The following DNM1L variants were observed in gnomAD, a reference collection of about 807,000 sequenced individuals.
The protein encoded by DNM1L is dynamin-1-like protein.
A neutral mutation model predicts 92.8 loss-of-function variants in DNM1L; 33 were observed. The ratio of observed to expected loss-of-function variants is 0.36; its 90% CI spans 0.27 to 0.48. DNM1L has a LOEUF of 0.48. DNM1L is among the 20% of genes least tolerant of loss of function. The pLI, the probability that DNM1L is intolerant of heterozygous loss-of-function variation, is 0.99. For missense variants in DNM1L, 485 were observed against 888.8 expected, an observed-to-expected ratio of 0.55 and a Z score of 5.78; for synonymous variants, 284 against 305.0, an observed-to-expected ratio of 0.93 and a Z score of 0.72.
intron 5 of DNM1L, chr12:32,711,278 T>C (rs1410540654): frequency 2.4e-6 from 1 of 412,144 alleles, no homozygotes; most frequent in Non-Finnish European, 4.4e-6. Context: ...AAACAGTAAG[T>C]GCCCCAGAGC....
At position 32,743,840 on chromosome 12, in the gene DNM1L, T is replaced by A. The variant is rs1592700761; in HGVS notation, c.*430T>A. The A allele has an allele frequency of 1.2e-5, 2 of 165,544 alleles. No individual in the cohort carries two copies. Among genetic ancestry groups the A allele is most frequent in the East Asian group, 3.2e-4 (2 of 6,282 alleles). 10.3% of individuals were successfully genotyped at this position (165,544 alleles called of 1,614,324 possible). On this transcript the variant is annotated 3_prime_UTR_variant, in exon 20 of 20. Coordinates refer to ENST00000549701, the MANE Select transcript of DNM1L (RefSeq NM_012062.5). ...ACTATAATGCATGTACTATATAAGC[T>A]GATCTGGCTTTGAAAGATGTGAGTT...
intron 1 of DNM1L, among the ~76,000 whole-genome samples, chr12:32,680,708 T>G (rs1391321795): frequency 6.6e-6 from 1 of 152,216 alleles, no homozygotes; most frequent in East Asian, 1.9e-4. Context: ...GGATTATTTT[T>G]TATTGAACAT....
Position 32,743,631 on chromosome 12 carries a change from A to G in DNM1L, c.*221A>G. The G allele has an allele frequency of 1.8e-6, 1 of 554,186 alleles. No individual in the cohort carries two copies. The highest frequency in any genetic ancestry group is 3.2e-6 in the Non-Finnish European group (1 of 310,974). The allele number at this position is 554,186 out of a possible 1,614,324, so 34.3% of individuals were successfully genotyped here. On this transcript the variant is annotated 3_prime_UTR_variant, in exon 20 of 20. Coordinates refer to ENST00000549701, the MANE Select transcript of DNM1L (RefSeq NM_012062.5). ...TTCTAAAGTTTCCCAGTATATATAA[A>G]ATACATCAAGTCTGTCTTGTGACAG...
At chr12:32,717,465 TATATAGTATATATATTA>T (rs1349755490) in intron 6 of DNM1L, among the ~76,000 whole-genome samples, 2 of 104,580 alleles carry the variant, frequency 1.9e-5, no homozygotes, top group Non-Finnish European at 3.5e-5. Context: ...ATATTTTAAA[TATATAGTATATATATTA>T]TATATATATA....
chr12:32,724,585 AAAAAAAAAAT>A (rs1311011671), intron 9 of DNM1L, among the ~76,000 whole-genome samples: 14 of 68,826 alleles, frequency 2.0e-4, no homozygotes, highest in African/African-American at 5.9e-4. Flanking sequence ...CCAAAAAAAA[AAAAAAAAAAT>A]ATATATATAT....
intron 8 of DNM1L, among the ~76,000 whole-genome samples, chr12:32,721,594 G>C (rs1444740873): frequency 6.6e-6 from 1 of 152,048 alleles, no homozygotes; most frequent in Non-Finnish European, 1.5e-5. Context: ...GCTTTTGAGA[G>C]CAGATATATG....
rs972264615 is a variant in DNM1L, at chr12:32,686,045, C to CTTTTTTT, written c.102+6596_102+6602dup. On this transcript the variant is annotated intron_variant, in intron 1 of 19. Coordinates refer to ENST00000549701, the MANE Select transcript of DNM1L (RefSeq NM_012062.5). ...GAAATTTGCAGAACATAAAATTAGCCTTTTTTTTTTTTTTTTTTTTTTGAG... is the reference window on the plus strand; with the variant it reads ...GAAATTTGCAGAACATAAAATTAGCCTTTTTTTTTTTTTTTTTTTTTTTTTTTTTGAG... Among the ~76,000 whole-genome samples, 104 of 82,686 alleles carry CTTTTTTT rather than the reference C, an allele frequency of 1.3e-3. 6 individuals carry two copies. Among genetic ancestry groups the CTTTTTTT allele is most frequent in the African/African-American group, 5.0e-3 (84 of 16,634 alleles). 54.2% of individuals were successfully genotyped at this position (82,686 alleles called of 152,430 possible). A position where few individuals can be genotyped will look rare whatever the true frequency, so the allele number is the denominator to read the frequency against.
chr12:32,726,766 T>C, intron 9 of DNM1L: 1 of 617,630 alleles, frequency 1.6e-6, no homozygotes, highest in Non-Finnish European at 2.9e-6. Flanking sequence ...TTTCCTTTTT[T>C]CCAATCTATC....
At chr12:32,691,573 A>T (rs867273662) in intron 1 of DNM1L, among the ~76,000 whole-genome samples, 3 of 152,146 alleles carry the variant, frequency 2.0e-5, no homozygotes, top group Non-Finnish European at 2.9e-5. Flanking sequence ...GCCTCTTTAA[A>T]GGCCCTGTCT....
chr12:32,712,699 A>G (rs1773008777), intron 5 of DNM1L, among the ~76,000 whole-genome samples: 1 of 149,584 alleles, frequency 6.7e-6, no homozygotes, highest in Admixed American at 6.7e-5. Flanking sequence ...ATCTCTAATC[A>G]TTCCCTAGCC....
Position 32,679,338 on chromosome 12 carries a change from C to T in DNM1L, c.-26C>T, listed in dbSNP as rs748892584. 2.6e-6 allele frequency: 4 copies of T among 1,557,536 alleles called. No homozygotes were observed. The South Asian group carries it at 4.5e-5, about 17-fold the overall frequency. On this transcript the variant is annotated 5_prime_UTR_variant, in exon 1 of 20. Coordinates refer to ENST00000549701, the MANE Select transcript of DNM1L (RefSeq NM_012062.5). ...CCCATTCATTGCCGTGGCCGGCGGGCACTGGGGCCCCGTGTTTTCAGAGTC... is the reference window on the plus strand; with the variant it reads ...CCCATTCATTGCCGTGGCCGGCGGGTACTGGGGCCCCGTGTTTTCAGAGTC...
Position 32,731,783 on chromosome 12 carries a change from G to T in DNM1L, c.1357-71G>T. The T allele has an allele frequency of 7.7e-7, 1 of 1,301,060 alleles. No individual in the cohort carries two copies. Among genetic ancestry groups the T allele is most frequent in the Non-Finnish European group, 1.1e-6 (1 of 902,514 alleles). The allele number at this position is 1,301,060 out of a possible 1,614,324, so 80.6% of individuals were successfully genotyped here. On this transcript the variant is annotated intron_variant, in intron 11 of 19. Coordinates refer to ENST00000549701, the MANE Select transcript of DNM1L (RefSeq NM_012062.5). This position sits in a 1 kb window ranked among gnomAD's most constrained non-coding sequence, Gnocchi z 5.1. ...ACTTGGGAGGCTAAGGTGGGAGGAT[G>T]GCTTAGTGAGACTATGACTTAAAAA...
At chr12:32,697,186 G>A (rs1366809041) in intron 1 of DNM1L, among the ~76,000 whole-genome samples, 1 of 151,792 alleles carries the variant, frequency 6.6e-6, no homozygotes, top group Admixed American at 6.6e-5. Context: ...CCACGATTAT[G>A]CCATTGCACT....
intron 12 of DNM1L, chr12:32,732,555 C>T (rs1954620001): frequency 4.4e-6 from 2 of 455,834 alleles, no homozygotes; most frequent in Non-Finnish European, 8.8e-6. Context: ...GGGTCCTTGG[C>T]TCAGGATGGT....
chr12:32,706,345 G>A (rs1360084440), intron 2 of DNM1L, among the ~76,000 whole-genome samples: 1 of 152,134 alleles, frequency 6.6e-6, no homozygotes, highest in Non-Finnish European at 1.5e-5. Flanking sequence ...TTTTTATTTA[G>A]ACCTCAGGAG....
chr12:32,709,248 G>T (rs1299153576), intron 4 of DNM1L, among the ~76,000 whole-genome samples: 1 of 152,094 alleles, frequency 6.6e-6, no homozygotes, highest in Non-Finnish European at 1.5e-5. Flanking sequence ...AAAGTGGCCA[G>T]AAACTAGATT....
intron 12 of DNM1L, chr12:32,733,334 G>A (rs1471490950): frequency 4.4e-6 from 1 of 225,460 alleles, no homozygotes; most frequent in African/African-American, 2.4e-5. Context: ...TCTTATTGTT[G>A]AAAATGAACT....
At chr12:32,684,062 C>T (rs1951902262) in intron 1 of DNM1L, among the ~76,000 whole-genome samples, 1 of 152,210 alleles carries the variant, frequency 6.6e-6, no homozygotes, top group African/African-American at 2.4e-5. Flanking sequence ...ACACAAAATT[C>T]ACCCTTATAA....
In DNM1L at chr12:32,743,961, C is replaced by CTGAATGCACAAGAGG. The variant is rs1955489697; in HGVS notation, c.*552_*566dup. 6.4e-6 allele frequency: 1 copy of CTGAATGCACAAGAGG among 157,274 alleles called. No homozygotes were observed. Among genetic ancestry groups the CTGAATGCACAAGAGG allele is most frequent in the African/African-American group, 2.4e-5 (1 of 41,482 alleles). 9.7% of individuals were successfully genotyped at this position (157,274 alleles called of 1,614,324 possible). ...AGCCTTTGATGTGTTTTTAAGAAAG[C>CTGAATGCACAAGAGG]TGAATGCACAAGAGGATCTGTGACA... On this transcript the variant is annotated 3_prime_UTR_variant, in exon 20 of 20. Transcript: ENST00000549701.
Sources: gnomAD v4.1 joint callset for allele counts (sites outside exome capture counted in the v4.1 genomes callset) on GRCh38, gnomAD v4.1.1 for gene constraint, Gnocchi (gnomAD v3.1) non-coding constraint, MANE v1.5 for transcripts, NCBI Gene and HGNC (gene_info 2026-07-23, HGNC 2026-07-21) for gene names.